Variants in SLC33A1 observed in about 807,000 individuals in gnomAD.
SLC33A1 encodes solute carrier family 33 member 1.
SLC33A1 carries 20 observed loss-of-function variants against 50.0 expected under a neutral mutation model. The observed-to-expected ratio is 0.40, with a 90% CI of 0.28 to 0.58. The LOEUF (loss-of-function observed/expected upper bound fraction) is 0.58, where lower values mean the gene tolerates loss of function less well. Among genes scored for constraint, SLC33A1 ranks in the 20% least tolerant of loss-of-function variants. The probability of loss-of-function intolerance (pLI) is 0.44; values close to 1 mark genes in which losing one functional copy is unlikely to be tolerated. For missense variants in SLC33A1, 476 were observed against 657.0 expected (o/e 0.72, Z 3.01); for synonymous variants, 265 against 251.8 (o/e 1.05, Z -0.50).
Position 155,831,457 on chromosome 3 carries a change from CAAAAAAAAAAAAAAAAAAAAAAA to C in SLC33A1, c.1267-1577_1267-1555del, listed in dbSNP as rs397991448. On this transcript the variant is annotated intron_variant, in intron 4 of 5. Coordinates refer to ENST00000643144, the MANE Select transcript of SLC33A1 (RefSeq NM_004733.4). ...TGGGCAACAGAGTGAGACTCTGTCT[CAAAAAAAAAAAAAAAAAAAAAAA>C]AAAAAAAAAAATTTGTTGAAGGAAT... Among the ~76,000 whole-genome samples, 82 of 46,684 alleles carry C rather than the reference CAAAAAAAAAAAAAAAAAAAAAAA, an allele frequency of 1.8e-3. 1 individual carries two copies. Among genetic ancestry groups the C allele is most frequent in the Non-Finnish European group, 2.8e-3 (65 of 22,912 alleles). 30.6% of individuals were successfully genotyped at this position (46,684 alleles called of 152,430 possible).
chr3:155,841,983 G>A (rs906921923), intron 2 of SLC33A1, among the ~76,000 whole-genome samples: 3 of 151,988 alleles, frequency 2.0e-5, no homozygotes, highest in South Asian at 4.2e-4. Flanking sequence ...CCTGACCTCC[G>A]GTAATCCACC....
intron 1 of SLC33A1, among the ~76,000 whole-genome samples, chr3:155,850,952 A>T (rs964380917): frequency 3.3e-5 from 5 of 150,966 alleles, no homozygotes; most frequent in African/African-American, 7.3e-5. Context: ...TTAATTAATT[A>T]ATTTATTTTG....
rs1172829711 is a variant in SLC33A1 at position 155,824,398 on chromosome 3, T to C, written c.*3812A>G. On this transcript the variant is annotated 3_prime_UTR_variant, in exon 6 of 6. Transcript: ENST00000643144. ...CTCAACCATTTAATACAAAGCAACA[T>C]ACTTTCTCAGGTTTCTGTTAATAAG... The C allele has an allele frequency of 3.9e-5, 6 of 152,160 alleles. No individual in the cohort carries two copies. In the East Asian group the frequency reaches 9.6e-4, roughly 24 times the overall value. 9.4% of individuals were successfully genotyped at this position (152,160 alleles called of 1,614,324 possible).
chr3:155,836,908 AAAC>A (rs371441194), intron 2 of SLC33A1, among the ~76,000 whole-genome samples: 33 of 152,188 alleles, frequency 2.2e-4, no homozygotes, highest in African/African-American at 7.5e-4. Context: ...ATCTAAACAG[AAAC>A]AACAACTTTA....
intron 2 of SLC33A1, among the ~76,000 whole-genome samples, chr3:155,840,320 T>C (rs1752877749): frequency 6.6e-6 from 1 of 151,846 alleles, no homozygotes; most frequent in Non-Finnish European, 1.5e-5. Flanking sequence ...ACTCCTGGCC[T>C]CAAGTGATCA....
At chr3:155,834,117 C>T (rs1365917429) in intron 2 of SLC33A1, 76 bp from the exon 3 acceptor site, 1 of 1,110,006 alleles carries the variant, frequency 9.0e-7, no homozygotes, top group African/African-American at 1.5e-5. Context: ...GTAAGTTCTT[C>T]AAGAACCTCA....
chr3:155,847,056 A>G (rs1753202790), intron 1 of SLC33A1, among the ~76,000 whole-genome samples: 1 of 151,892 alleles, frequency 6.6e-6, no homozygotes, highest in Admixed American at 6.6e-5. Flanking sequence ...AAAAATACAA[A>G]AAGTAACCAG....
At chr3:155,850,232 C>T (rs1332120554) in intron 1 of SLC33A1, among the ~76,000 whole-genome samples, 2 of 152,056 alleles carry the variant, frequency 1.3e-5, no homozygotes, top group Non-Finnish European at 2.9e-5. Context: ...TGGTCTTGAT[C>T]TCCTGACCTT....
chr3:155,848,112 T>C (rs547640997), intron 1 of SLC33A1, among the ~76,000 whole-genome samples: 2 of 152,224 alleles, frequency 1.3e-5, no homozygotes, highest in East Asian at 1.9e-4. Flanking sequence ...AGATGACAGA[T>C]AGAGAGATGA....
chr3:155,844,449 ATATATATATTTTTTTTTTT>A (rs1277853124), intron 1 of SLC33A1, among the ~76,000 whole-genome samples: 2 of 24,126 alleles, frequency 8.3e-5, no homozygotes, highest in Non-Finnish European at 1.5e-4. Flanking sequence ...ATATATATAT[ATATATATATTTTTTTTTTT>A]TTTTTTTTTT....
chr3:155,854,138 G>T lies in SLC33A1; in HGVS notation c.-141C>A. ...GGTGGCAGGGCTCAGAGCGATAAGGGCACTTCTTACTGCAGCCCGGAGTGC... is the reference window on the plus strand; with the variant it reads ...GGTGGCAGGGCTCAGAGCGATAAGGTCACTTCTTACTGCAGCCCGGAGTGC... On this transcript the variant is annotated 5_prime_UTR_variant, in exon 1 of 6. Transcript: ENST00000643144. 1.6e-6 allele frequency: 1 copy of T among 630,324 alleles called. No individual in the cohort carries two copies. The allele number at this position is 630,324 out of a possible 1,614,324, so 39.0% of individuals were successfully genotyped here.
In SLC33A1 at chr3:155,828,085, G is replaced by T; in HGVS notation, c.*125C>A. ...AGGTTTCTATTTTTTCAACCATTTGGCATTTTATATTATTAATTTCGCTGT... is the reference window on the plus strand; with the variant it reads ...AGGTTTCTATTTTTTCAACCATTTGTCATTTTATATTATTAATTTCGCTGT... On this transcript the variant is annotated 3_prime_UTR_variant, in exon 6 of 6. Transcript: ENST00000643144. The T allele has an allele frequency of 4.2e-6, 3 of 708,322 alleles. No homozygotes were observed. Among genetic ancestry groups the T allele is most frequent in the Non-Finnish European group, 7.3e-6 (3 of 413,176 alleles). 43.9% of individuals were successfully genotyped at this position (708,322 alleles called of 1,614,324 possible). A position where few individuals can be genotyped will look rare whatever the true frequency, so the allele number is the denominator to read the frequency against.
chr3:155,850,154 G>A (rs1753343357), intron 1 of SLC33A1, among the ~76,000 whole-genome samples: 1 of 151,638 alleles, frequency 6.6e-6, no homozygotes, highest in South Asian at 2.1e-4. Flanking sequence ...GACTACAGGT[G>A]CATGCCATCA....
intron 1 of SLC33A1, among the ~76,000 whole-genome samples, chr3:155,848,631 G>A (rs13099391): frequency 2.6e-5 from 4 of 152,160 alleles, no homozygotes; most frequent in Non-Finnish European, 4.4e-5. Context: ...GCAGTGAGCA[G>A]AGATCGCACC....
At chr3:155,830,298 G>A (rs886217807) in intron 4 of SLC33A1, among the ~76,000 whole-genome samples, 11 of 151,730 alleles carry the variant, frequency 7.2e-5, no homozygotes, top group South Asian at 4.2e-4. Flanking sequence ...GCGTGAACCC[G>A]GGAGGCGGAG....
chr3:155,828,909 T>G (rs1752297319), intron 5 of SLC33A1, among the ~76,000 whole-genome samples: 1 of 151,544 alleles, frequency 6.6e-6, no homozygotes, highest in Non-Finnish European at 1.5e-5. Flanking sequence ...TTTTTTTTTT[T>G]TTTTTTTTTA....
chr3:155,843,225 A>C (rs1368447776), intron 1 of SLC33A1, among the ~76,000 whole-genome samples: 1 of 152,138 alleles, frequency 6.6e-6, no homozygotes, highest in South Asian at 2.1e-4. Flanking sequence ...ATTCAAGGAA[A>C]GTGCTAGGGG....
rs899822538 is a variant in SLC33A1, at chr3:155,824,353, C to T, written c.*3857G>A. Reference sequence around the variant, plus strand: ...CAAAATACAAAAATTAAATTTTCAGCTTTTATATCAAATAATGGTCTCAAC... The same window carrying T: ...CAAAATACAAAAATTAAATTTTCAGTTTTTATATCAAATAATGGTCTCAAC... On this transcript the variant is annotated 3_prime_UTR_variant, in exon 6 of 6. Coordinates refer to ENST00000643144, the MANE Select transcript of SLC33A1 (RefSeq NM_004733.4). The T allele has an allele frequency of 2.0e-5, 3 of 152,124 alleles. No homozygotes were observed. The highest frequency in any genetic ancestry group is 4.8e-5 in the African/African-American group (2 of 41,422). 9.4% of individuals were successfully genotyped at this position (152,124 alleles called of 1,614,324 possible).
In SLC33A1 at chr3:155,829,820, G is replaced by A; in HGVS notation, c.1350C>T (p.Thr450=). 6.2e-7 allele frequency: 1 copy of A among 1,613,666 alleles called. No homozygotes were observed. The highest frequency in any genetic ancestry group is 8.5e-7 in the Non-Finnish European group (1 of 1,179,676). The change falls in exon 5 of 6, where the codon ACC becomes ACT. Residue 450 remains threonine, a synonymous_variant. Transcript: ENST00000643144. ...SDPLIGGTYM[T]LLNTVSNLGG... ...CCAGATTGGACACGGTATTTAAAAG[G>A]GTCATGTATGTTCCTCCAATAAGTG...
Sources: allele counts gnomAD v4.1 joint callset (sites outside exome capture counted in the v4.1 genomes callset), GRCh38; gene constraint gnomAD v4.1.1; transcripts MANE v1.5; gene names NCBI Gene and HGNC (gene_info 2026-07-23, HGNC 2026-07-21).